The following CDH7 variants were observed in gnomAD, a reference collection of about 807,000 sequenced individuals.
The protein encoded by CDH7 is cadherin-7.
A neutral mutation model predicts 71.8 loss-of-function variants in CDH7; 25 were observed. The ratio of observed to expected loss-of-function variants is 0.35; its 90% CI spans 0.25 to 0.49. The LOEUF is 0.49. Among genes scored for constraint, CDH7 ranks in the 20% least tolerant of loss-of-function variants. CDH7 has a pLI of 0.99. For synonymous variants in CDH7, 381 were observed against 363.8 expected, an observed-to-expected ratio of 1.05 and a Z score of -0.54; for missense variants, 862 against 974.6, an observed-to-expected ratio of 0.88 and a Z score of 1.54.
chr18:65,832,977 A>G (rs899620068), intron 6 of CDH7, among the ~76,000 whole-genome samples: 7 of 152,178 alleles, frequency 4.6e-5, no homozygotes, highest in Admixed American at 6.5e-5. Context: ...AAAGATAACT[A>G]TGCATCCGGT....
At position 65,885,372 on chromosome 18, in the gene CDH7, G is replaced by GTTTTTTTTATTTTTTTTTT. The variant is rs1555692661; in HGVS notation, c.*4486_*4487insATTTTTTTTTTTTTTTTTT. On this transcript the variant is annotated 3_prime_UTR_variant, in exon 12 of 12. Transcript: ENST00000397968. Reference sequence around the variant, plus strand: ...GTAACTGAAAAGGATGTGTGCCTGTGTTTTTTTTTTTTTTTTTTTTTTTGA... The same window carrying GTTTTTTTTATTTTTTTTTT: ...GTAACTGAAAAGGATGTGTGCCTGTGTTTTTTTTATTTTTTTTTTTTTTTTTTTTTTTTTTTTTTTTTGA... 1 of 69,436 alleles carries GTTTTTTTTATTTTTTTTTT rather than the reference G, an allele frequency of 1.4e-5. No individual in the cohort carries two copies. Among genetic ancestry groups the GTTTTTTTTATTTTTTTTTT allele is most frequent in the Non-Finnish European group, 2.7e-5 (1 of 37,390 alleles). The allele number at this position is 69,436 out of a possible 1,614,324, so 4.3% of individuals were successfully genotyped here. A position where few individuals can be genotyped will look rare whatever the true frequency, so the allele number is the denominator to read the frequency against.
chr18:65,769,012 T>C (rs1916464610), intron 2 of CDH7, among the ~76,000 whole-genome samples: 1 of 152,002 alleles, frequency 6.6e-6, no homozygotes, highest in Non-Finnish European at 1.5e-5. Flanking sequence ...CATTAAAAAA[T>C]AAACTCTTTC....
At chr18:65,773,455 G>T (rs1476343347) in intron 2 of CDH7, among the ~76,000 whole-genome samples, 2 of 152,094 alleles carry the variant, frequency 1.3e-5, no homozygotes, top group Admixed American at 6.6e-5. Context: ...AATCCCTGAT[G>T]AGTGATCAGG....
chr18:65,750,991 G>A (rs566182237), upstream of CDH7: 8 of 152,342 alleles, frequency 5.3e-5, no homozygotes, highest in Admixed American at 3.3e-4. Flanking sequence ...GGGCCCGAGC[G>A]GGTGTCGAGC....
Position 65,888,713 on chromosome 18 carries a change from T to G in CDH7, c.*7819T>G, listed in dbSNP as rs1914435107. On this transcript the variant is annotated 3_prime_UTR_variant, in exon 12 of 12. Transcript: ENST00000397968. ...TGTTAGGTTTTTTAAGGAAAAACTT[T>G]GATGCCCAGAATAACTGTAACTTAT... The G allele has an allele frequency of 6.6e-6, 1 of 150,982 alleles. No individual in the cohort carries two copies. Among genetic ancestry groups the G allele is most frequent in the Non-Finnish European group, 1.5e-5 (1 of 67,850 alleles). The allele number at this position is 150,982 out of a possible 1,614,324, so 9.4% of individuals were successfully genotyped here. A position where few individuals can be genotyped will look rare whatever the true frequency, so the allele number is the denominator to read the frequency against.
chr18:65,848,899 G>C (rs1226578506), intron 7 of CDH7, among the ~76,000 whole-genome samples: 1 of 152,126 alleles, frequency 6.6e-6, no homozygotes, highest in Non-Finnish European at 1.5e-5. Context: ...ATAATATTAT[G>C]TTGGAAATTA....
At chr18:65,869,224 C>CTT (rs11339895) in intron 11 of CDH7, among the ~76,000 whole-genome samples, 21,154 of 149,384 alleles carry the variant, frequency 0.14, 3,149 homozygotes, top group African/African-American at 0.38. Context: ...TGTCCAGGGT[C>CTT]TTTTTTTTTT....
chr18:65,758,310 G>A (rs77530609), intron 1 of CDH7, among the ~76,000 whole-genome samples: 1,581 of 152,142 alleles, frequency 0.01, 25 homozygotes, highest in African/African-American at 0.035. Flanking sequence ...TGCTATACTC[G>A]CCTTTCTCTT....
Position 65,787,256 on chromosome 18 carries a change from A to G in CDH7, c.211-22448A>G, listed in dbSNP as rs111858597. Among the ~76,000 whole-genome samples the G allele has an allele frequency of 3.4e-3, 524 of 152,324 alleles. 2 individuals are homozygous for G. Among genetic ancestry groups the G allele is most frequent in the Non-Finnish European group, 4.6e-3 (312 of 68,028 alleles). On this transcript the variant is annotated intron_variant, in intron 2 of 11. Transcript: ENST00000397968. ...TTTTAAATGTATCAAATTATGCAACATACATTCCTTCTACATATAAGAAGG... is the reference window on the plus strand; with the variant it reads ...TTTTAAATGTATCAAATTATGCAACGTACATTCCTTCTACATATAAGAAGG...
chr18:65,764,019 T>A (rs1916281750), intron 2 of CDH7, among the ~76,000 whole-genome samples: 1 of 152,122 alleles, frequency 6.6e-6, no homozygotes. Context: ...TGTGCCTCTG[T>A]ATTTTTACAC....
At chr18:65,782,205 G>A (rs553192887) in intron 2 of CDH7, among the ~76,000 whole-genome samples, 11 of 142,536 alleles carry the variant, frequency 7.7e-5, no homozygotes, top group South Asian at 2.2e-4. Flanking sequence ...GTCTCACTCC[G>A]TTGCCCAGGC....
chr18:65,789,413 A>G (rs1910627081), intron 2 of CDH7, among the ~76,000 whole-genome samples: 1 of 152,210 alleles, frequency 6.6e-6, no homozygotes, highest in South Asian at 2.1e-4. Context: ...AATAAAAACC[A>G]AGACAACCAG....
At chr18:65,871,800 AT>A (rs1178458176) in intron 11 of CDH7, among the ~76,000 whole-genome samples, 5 of 152,214 alleles carry the variant, frequency 3.3e-5, no homozygotes, top group Non-Finnish European at 7.3e-5. Context: ...CATTTTGAAC[AT>A]TTATTATATT....
chr18:65,811,762 C>T (rs984988046), intron 3 of CDH7, among the ~76,000 whole-genome samples: 1 of 151,978 alleles, frequency 6.6e-6, no homozygotes, highest in Non-Finnish European at 1.5e-5. Flanking sequence ...CTAAGGTTTT[C>T]CTTTCCTGCA....
At chr18:65,869,333 G>A (rs536658931) in intron 11 of CDH7, among the ~76,000 whole-genome samples, 70 of 151,560 alleles carry the variant, frequency 4.6e-4, no homozygotes, top group African/African-American at 1.5e-3. Context: ...TTGAAACACC[G>A]CAGCTTAAAA....
At chr18:65,867,324 C>T (rs375778347) in intron 11 of CDH7, among the ~76,000 whole-genome samples, 13 of 152,142 alleles carry the variant, frequency 8.5e-5, no homozygotes, top group African/African-American at 2.4e-4. Flanking sequence ...CGTGAGCCAC[C>T]GTGCCCGGCC....
At chr18:65,855,236 G>A (rs1265468557) in intron 7 of CDH7, among the ~76,000 whole-genome samples, 2 of 151,060 alleles carry the variant, frequency 1.3e-5, no homozygotes, top group African/African-American at 2.4e-5. Context: ...AAACAATAAA[G>A]ATAAGAACAT....
Position 65,862,887 on chromosome 18 carries a change from G to A in CDH7, c.1834G>A (p.Ala612Thr). The change falls in exon 11 of 12, where the codon GCC becomes ACC. Residue 612 changes from alanine to threonine, a missense_variant. By Grantham distance (58) the Ala-to-Thr change is moderately conservative (BLOSUM62 0). Transcript: ENST00000397968. Reference protein sequence around the residue: ...PAGLSTGALIAILACVLTLLV... With the variant: ...PAGLSTGALITILACVLTLLV... ...TGGCCTCAGTACAGGAGCCCTGATA[G>A]CCATACTCGCCTGTGTCTTGACATT... 1 of 1,614,204 alleles carries A rather than the reference G, an allele frequency of 6.2e-7. No individual in the cohort carries two copies. Among genetic ancestry groups the A allele is most frequent in the Non-Finnish European group, 8.5e-7 (1 of 1,180,018 alleles).
At chr18:65,858,171 TG>T (rs2144028928) in intron 8 of CDH7, among the ~76,000 whole-genome samples, 1 of 152,216 alleles carries the variant, frequency 6.6e-6, no homozygotes, top group African/African-American at 2.4e-5. Context: ...TAAAAAACAA[TG>T]GGCCTATATT....
Sources: allele counts gnomAD v4.1 joint callset (sites outside exome capture counted in the v4.1 genomes callset), GRCh38; gene constraint gnomAD v4.1.1; transcripts MANE v1.5; gene names NCBI Gene and HGNC (gene_info 2026-07-23, HGNC 2026-07-21).